Variants in TMEM135 observed in about 807,000 individuals in gnomAD.
TMEM135 encodes the protein peroxisomal membrane protein 52.
A neutral mutation model predicts 60.3 loss-of-function variants in TMEM135; 30 were observed. The observed-to-expected ratio is 0.50, with a 90% CI of 0.37 to 0.68. TMEM135 has a LOEUF of 0.68. Among genes scored for constraint, TMEM135 ranks in the 30% least tolerant of loss-of-function variants. The pLI, the probability that TMEM135 is intolerant of heterozygous loss-of-function variation, is 0.00. For missense variants in TMEM135, 468 were observed against 548.8 expected (o/e 0.85, Z 1.47); for synonymous variants, 190 against 186.7 (o/e 1.02, Z -0.14).
intron 4 of TMEM135, chr11:87,095,576 A>AG (rs1857305598): frequency 4.9e-6 from 1 of 204,676 alleles, no homozygotes; most frequent in South Asian, 9.7e-5. Context: ...AATCTGCATG[A>AG]ATCTCAGATG....
intron 9 of TMEM135, among the ~76,000 whole-genome samples, chr11:87,307,895 G>A (rs1218918941): frequency 6.6e-6 from 1 of 152,068 alleles, no homozygotes; most frequent in Non-Finnish European, 1.5e-5. Flanking sequence ...ATACCTGCCA[G>A]CCTCTTAATT....
chr11:87,049,773 C>T (rs1949825297), intron 1 of TMEM135, among the ~76,000 whole-genome samples: 1 of 93,628 alleles, frequency 1.1e-5, no homozygotes, highest in Non-Finnish European at 2.0e-5. Context: ...AGAAAGTCAA[C>T]AAGGATACCC....
chr11:87,064,866 C>G (rs1379657604), intron 1 of TMEM135, among the ~76,000 whole-genome samples: 1 of 151,944 alleles, frequency 6.6e-6, no homozygotes, highest in Admixed American at 6.6e-5. Flanking sequence ...GCCTGGGCAA[C>G]AGAGCGAGAC....
At chr11:87,132,870 A>G (rs1017787427) in intron 4 of TMEM135, among the ~76,000 whole-genome samples, 5 of 152,048 alleles carry the variant, frequency 3.3e-5, no homozygotes, top group African/African-American at 1.2e-4. Context: ...TATCTTACAC[A>G]TTTTTCACAA....
intron 3 of TMEM135, among the ~76,000 whole-genome samples, chr11:87,085,772 A>C (rs1222793266): frequency 6.6e-6 from 1 of 152,068 alleles, no homozygotes; most frequent in East Asian, 1.9e-4. Context: ...AACAAACAAC[A>C]ACAAAAAAGA....
intron 5 of TMEM135, among the ~76,000 whole-genome samples, chr11:87,184,735 T>C (rs991766545): frequency 4.6e-5 from 7 of 152,150 alleles, no homozygotes; most frequent in South Asian, 2.1e-4. Flanking sequence ...TGAATGCCTG[T>C]AGCTTCTAGC....
intron 10 of TMEM135, among the ~76,000 whole-genome samples, 196 bp from the exon 11 acceptor site, chr11:87,313,227 TAG>T (rs374079827): frequency 2.9e-4 from 44 of 151,980 alleles, no homozygotes; most frequent in African/African-American, 8.4e-4. Context: ...AATTTCTTAA[TAG>T]AGTCTATAGA....
intron 4 of TMEM135, among the ~76,000 whole-genome samples, chr11:87,098,723 C>G (rs1207371859): frequency 6.6e-6 from 1 of 151,934 alleles, no homozygotes; most frequent in African/African-American, 2.4e-5. Flanking sequence ...GAATCTTGCT[C>G]TGTCGCCCAG....
intron 5 of TMEM135, among the ~76,000 whole-genome samples, chr11:87,201,800 C>G (rs1046693842): frequency 6.6e-6 from 1 of 152,094 alleles, no homozygotes; most frequent in Admixed American, 6.5e-5. Context: ...TATATTAATA[C>G]TTACTCTGCA....
intron 1 of TMEM135, among the ~76,000 whole-genome samples, chr11:87,061,787 G>T (rs939784585): frequency 3.9e-5 from 6 of 152,160 alleles, no homozygotes; most frequent in African/African-American, 1.2e-4. Flanking sequence ...ACAAGAGAAT[G>T]TATATAGTGC....
At position 87,051,020 on chromosome 11, in the gene TMEM135, T is replaced by G. The variant is rs879778150; in HGVS notation, c.141+12834T>G. Among the ~76,000 whole-genome samples, 696 of 93,344 alleles carry G rather than the reference T, an allele frequency of 7.5e-3. 17 individuals carry two copies. The highest frequency in any genetic ancestry group is 0.038 in the African/African-American group (641 of 16,874). The allele number at this position is 93,344 out of a possible 152,430, so 61.2% of individuals were successfully genotyped here. Reference sequence around the variant, plus strand: ...GCAAGGCTGGTTCAATATACACAAATCAATAAATGTATTCCAGCATATAAA... The same window carrying G: ...GCAAGGCTGGTTCAATATACACAAAGCAATAAATGTATTCCAGCATATAAA... On this transcript the variant is annotated intron_variant, in intron 1 of 14. Coordinates refer to ENST00000305494, the MANE Select transcript of TMEM135 (RefSeq NM_022918.4).
At chr11:87,085,057 A>G (rs189556031) in intron 3 of TMEM135, among the ~76,000 whole-genome samples, 1 of 152,388 alleles carries the variant, frequency 6.6e-6, no homozygotes, top group Admixed American at 6.5e-5. Context: ...ATGTAAAACA[A>G]TAAATTGGCA....
intron 3 of TMEM135, among the ~76,000 whole-genome samples, chr11:87,077,160 C>T (rs1276122495): frequency 1.3e-5 from 2 of 152,214 alleles, no homozygotes; most frequent in African/African-American, 4.8e-5. Flanking sequence ...TTCCTGTCTC[C>T]TGGTAACAAC....
At position 87,325,924 on chromosome 11, in the gene TMEM135, A is replaced by C. The variant is rs1254050524; in HGVS notation, c.*4591A>C. ...TGTCCCTCCTACGAATATGTTTTAC[A>C]TGAAATAATGTATTGGGTTTTATCT... is the stretch of plus-strand genomic sequence containing the variant. On this transcript the variant is annotated 3_prime_UTR_variant, in exon 15 of 15. Transcript: ENST00000305494. The C allele has an allele frequency of 8.8e-6, 4 of 453,778 alleles. No individual in the cohort carries two copies. Among genetic ancestry groups the C allele is most frequent in the Non-Finnish European group, 1.8e-5 (4 of 226,764 alleles). The allele number at this position is 453,778 out of a possible 1,614,324, so 28.1% of individuals were successfully genotyped here.
intron 5 of TMEM135, among the ~76,000 whole-genome samples, chr11:87,215,054 A>T (rs1940466476): frequency 6.6e-6 from 1 of 152,252 alleles, no homozygotes; most frequent in East Asian, 1.9e-4. Flanking sequence ...TCTTTAAAAT[A>T]TATTTAATTA....
intron 1 of TMEM135, among the ~76,000 whole-genome samples, chr11:87,046,921 A>T (rs1949801317): frequency 6.6e-6 from 1 of 152,176 alleles, no homozygotes; most frequent in Non-Finnish European, 1.5e-5. Flanking sequence ...TGGCATTGTG[A>T]CCTTGAGCAA....
At chr11:87,159,613 A>ACACACACACG (rs1938809142) in intron 5 of TMEM135, among the ~76,000 whole-genome samples, 2 of 143,880 alleles carry the variant, frequency 1.4e-5, no homozygotes, top group Non-Finnish European at 3.0e-5. Context: ...ACACACACAC[A>ACACACACACG]CACACCATAG....
At chr11:87,064,704 G>A (rs1047227047) in intron 1 of TMEM135, among the ~76,000 whole-genome samples, 3 of 152,264 alleles carry the variant, frequency 2.0e-5, no homozygotes, top group South Asian at 2.1e-4. Context: ...CCAACATGGC[G>A]AAGCCCCATC....
intron 5 of TMEM135, among the ~76,000 whole-genome samples, chr11:87,181,155 A>G (rs1939504138): frequency 6.6e-6 from 1 of 152,238 alleles, no homozygotes; most frequent in Non-Finnish European, 1.5e-5. Context: ...GGAAGTAGCA[A>G]TAATCCAAAT....
Sources: gnomAD v4.1 joint callset for allele counts (sites outside exome capture counted in the v4.1 genomes callset) on GRCh38, gnomAD v4.1.1 for gene constraint, MANE v1.5 for transcripts, NCBI Gene and HGNC (gene_info 2026-07-23, HGNC 2026-07-21) for gene names.